The following FMO1 variants were observed in gnomAD, a reference collection of about 807,000 sequenced individuals.
The protein encoded by FMO1 is flavin containing dimethylaniline monoxygenase 1, also known as flavin-containing monooxygenase 1.
Under a neutral mutation model 45.4 loss-of-function variants are expected in FMO1, and 36 were observed. The ratio of observed to expected loss-of-function variants is 0.79; its 90% CI spans 0.61 to 1.05. The LOEUF (loss-of-function observed/expected upper bound fraction) is 1.05. Among genes scored for constraint, FMO1 ranks in the 50% least tolerant of loss-of-function variants. FMO1 has a pLI of 0.00. For missense variants in FMO1, 615 were observed against 640.3 expected, an observed-to-expected ratio of 0.96 and a Z score of 0.43; for synonymous variants, 228 against 227.2, an observed-to-expected ratio of 1.00 and a Z score of -0.03.
chr1:171,267,911 G>A (rs372238439), intron 3 of FMO1, among the ~76,000 whole-genome samples, 180 bp downstream of exon 3: 1 of 152,202 alleles, frequency 6.6e-6, no homozygotes, highest in Admixed American at 6.5e-5. Context: ...GGAGGTGGGG[G>A]AGGATACTTT....
chr1:171,278,938 T>A (rs2101837751), intron 5 of FMO1, 67 bp downstream of exon 5: 3 of 1,233,118 alleles, frequency 2.4e-6, no homozygotes, highest in Non-Finnish European at 3.3e-6. Context: ...AAATGGTGTT[T>A]GACACCATGA....
chr1:171,283,265 TAAAAAAAAAAAAAAAAAAAAAAA>T (rs35331306), intron 8 of FMO1, 49 bp downstream of exon 8: 1 of 73,596 alleles, frequency 1.4e-5, no homozygotes, highest in Non-Finnish European at 2.5e-5. Flanking sequence ...CTGAAATTGG[TAAAAAAAAAAAAAAAAAAAAAAA>T]AAAAAAAAAG....
At chr1:171,257,169 A>G (rs1660194551) in intron 1 of FMO1, among the ~76,000 whole-genome samples, 2 of 152,168 alleles carry the variant, frequency 1.3e-5, no homozygotes, top group Non-Finnish European at 2.9e-5. Flanking sequence ...TGATGCACAG[A>G]AGGGTTAATC....
At chr1:171,274,774 A>C (rs1294076273) in intron 3 of FMO1, among the ~76,000 whole-genome samples, 1 of 152,220 alleles carries the variant, frequency 6.6e-6, no homozygotes, top group Non-Finnish European at 1.5e-5. Context: ...AAGCCTGGTA[A>C]TCATGGACAT....
At chr1:171,254,328 G>C (rs1025281356) in intron 1 of FMO1, among the ~76,000 whole-genome samples, 1 of 152,118 alleles carries the variant, frequency 6.6e-6, no homozygotes, top group African/African-American at 2.4e-5. Flanking sequence ...GACCTTAAGT[G>C]ATCTGCCCAT....
chr1:171,276,481 T>C (rs1661111904), intron 4 of FMO1, among the ~76,000 whole-genome samples: 1 of 152,308 alleles, frequency 6.6e-6, no homozygotes, highest in African/African-American at 2.4e-5. Flanking sequence ...ACAACCCAAT[T>C]TTTTGTCATT....
At chr1:171,261,189 T>C (rs1340245727) in intron 2 of FMO1, among the ~76,000 whole-genome samples, 8 of 151,534 alleles carry the variant, frequency 5.3e-5, no homozygotes, top group Non-Finnish European at 7.4e-5. Context: ...TGTAATACCT[T>C]GAGATTTCTC....
intron 2 of FMO1, among the ~76,000 whole-genome samples, chr1:171,264,907 A>AG (rs1303734613): frequency 6.6e-6 from 1 of 151,650 alleles, no homozygotes; most frequent in Non-Finnish European, 1.5e-5. Context: ...TCAAAAAAAA[A>AG]CAAAAACAAA....
At chr1:171,273,941 G>T (rs1206262206) in intron 3 of FMO1, among the ~76,000 whole-genome samples, 1 of 152,178 alleles carries the variant, frequency 6.6e-6, no homozygotes, top group African/African-American at 2.4e-5. Context: ...CAAGGTGGGT[G>T]GATCAAGACC....
chr1:171,284,135 G>A (rs540399422), intron 8 of FMO1, among the ~76,000 whole-genome samples: 71 of 144,144 alleles, frequency 4.9e-4, no homozygotes, highest in Non-Finnish European at 8.7e-4. Context: ...CTGTTTCTGC[G>A]TTTGATATAC....
In FMO1 at chr1:171,285,513, TG is replaced by T. The variant is rs1325279771; in HGVS notation, c.1569del (p.Leu523PhefsTer7). The T allele has an allele frequency of 4.0e-6, 6 of 1,511,440 alleles. No homozygotes were observed. The highest frequency in any genetic ancestry group is 5.3e-6 in the Non-Finnish European group (6 of 1,131,528). 93.6% of individuals were successfully genotyped at this position (1,511,440 alleles called of 1,614,324 possible). On this transcript the variant is annotated frameshift_variant, in exon 9 of 9. Transcript: ENST00000617670. LOFTEE classifies it high-confidence loss of function. Reference protein sequence around the residue: ...SFLKVFSFLALLVAIFLIFL With the variant: ...SFLKVFSFLAXLVAIFLIFL ...CTTAAAGTCTTTAGCTTTCTGGCTTTGCTTGTGGCTATTTTTCTGATTTTCC... is the reference window on the plus strand; with the variant it reads ...CTTAAAGTCTTTAGCTTTCTGGCTTTCTTGTGGCTATTTTTCTGATTTTCC...
chr1:171,262,232 C>T (rs1003302300), intron 2 of FMO1, among the ~76,000 whole-genome samples: 4 of 152,036 alleles, frequency 2.6e-5, no homozygotes, highest in East Asian at 1.9e-4. Context: ...GTCAGGAGTT[C>T]GAGACCAGCC....
intron 1 of FMO1, chr1:171,253,786 A>G (rs28384833): frequency 0.015 from 2,303 of 152,286 alleles, 66 homozygotes; most frequent in African/African-American, 0.053. Flanking sequence ...TAATAAGGAA[A>G]AGCCCCAGGG....
chr1:171,272,026 A>G (rs1424873875), intron 3 of FMO1, among the ~76,000 whole-genome samples: 2 of 152,246 alleles, frequency 1.3e-5, no homozygotes, highest in Non-Finnish European at 2.9e-5. Flanking sequence ...CCTTCCCATC[A>G]CAGGCCTGGA....
intron 3 of FMO1, among the ~76,000 whole-genome samples, chr1:171,273,162 T>C (rs1211523779): frequency 1.3e-5 from 2 of 152,184 alleles, no homozygotes; most frequent in Non-Finnish European, 2.9e-5. Flanking sequence ...AGCTCTCTTT[T>C]TGCCTGACAT....
At chr1:171,269,654 C>A (rs534184144) in intron 3 of FMO1, among the ~76,000 whole-genome samples, 189 of 152,272 alleles carry the variant, frequency 1.2e-3, no homozygotes, top group Middle Eastern at 3.4e-3. Context: ...AAACGATAAT[C>A]TTGAAAATCA....
chr1:171,271,401 A>G (rs1204401709), intron 3 of FMO1: 5 of 1,084,934 alleles, frequency 4.6e-6, no homozygotes, highest in African/African-American at 1.5e-5. Flanking sequence ...CACCTTTGCC[A>G]TATCTTCAAA....
chr1:171,258,184 A>G lies in FMO1; in HGVS notation c.97A>G (p.Arg33Gly). 1 of 1,614,156 alleles carries G rather than the reference A, an allele frequency of 6.2e-7. No homozygotes were observed. Among genetic ancestry groups the G allele is most frequent in the Non-Finnish European group, 8.5e-7 (1 of 1,180,014 alleles). The stretch of plus-strand genomic sequence containing the variant: ...AGGACTGGAGCCCACCTGCTTTGAG[A>G]GGAGCGATGACCTTGGGGGGCTGTG... Reference protein sequence around the residue: ...EEGLEPTCFERSDDLGGLWRF... With the variant: ...EEGLEPTCFEGSDDLGGLWRF... The change falls in exon 2 of 9, where the codon AGG (arginine) becomes GGG (glycine). Residue 33 changes from arginine to glycine, a missense_variant. Arg to Gly is a moderately radical substitution (Grantham distance 125, BLOSUM62 -2). Transcript: ENST00000617670.
chr1:171,283,618 C>G (rs1280152136), intron 8 of FMO1, among the ~76,000 whole-genome samples: 1 of 152,176 alleles, frequency 6.6e-6, no homozygotes, highest in Non-Finnish European at 1.5e-5. Context: ...TCTGCTCATT[C>G]ATTCACTGAA....
Sources: gnomAD v4.1 joint callset for allele counts (sites outside exome capture counted in the v4.1 genomes callset) on GRCh38, gnomAD v4.1.1 for gene constraint, MANE v1.5 for transcripts, NCBI Gene and HGNC (gene_info 2026-07-23, HGNC 2026-07-21) for gene names.